The following ASPRV1 variants were observed in gnomAD, a reference collection of about 807,000 sequenced individuals.
The protein encoded by ASPRV1 is aspartic peptidase retroviral like 1.
ASPRV1 carries 7 observed loss-of-function variants against 11.0 expected under a neutral mutation model. The ratio of observed to expected loss-of-function variants is 0.64; its 90% confidence interval spans 0.36 to 1.20. The LOEUF is 1.20. Among genes scored for constraint, ASPRV1 ranks in the 50% most tolerant of loss-of-function variants. The pLI is 0.02. For missense variants in ASPRV1, 299 were observed against 320.0 expected (o/e 0.93, Z 0.50); for synonymous variants, 136 against 138.4 (o/e 0.98, Z 0.12).
the ASPRV1 span, among the ~76,000 whole-genome samples, chr2:70,065,959 G>A: frequency 2.0e-5 from 3 of 151,974 alleles, no homozygotes; most frequent in Non-Finnish European, 4.4e-5. Flanking sequence ...TGTACTCTCA[G>A]AATTTCAGGA....
chr2:70,035,731 G>A, the ASPRV1 span, among the ~76,000 whole-genome samples: 1 of 151,092 alleles, frequency 6.6e-6, no homozygotes, highest in Admixed American at 6.6e-5. Flanking sequence ...ACTGCCAGTT[G>A]GAAAACTGAA....
the ASPRV1 span, among the ~76,000 whole-genome samples, chr2:70,008,246 G>A: frequency 1.3e-5 from 2 of 151,844 alleles, no homozygotes; most frequent in African/African-American, 2.4e-5. Flanking sequence ...ATTTTTTTAA[G>A]TGGCAGAATA....
downstream of ASPRV1, among the ~76,000 whole-genome samples, chr2:69,955,883 T>C (rs867571211): frequency 1.4e-4 from 21 of 152,214 alleles, no homozygotes; most frequent in South Asian, 8.3e-4. Flanking sequence ...GGTTTTCTTC[T>C]TAGCTCTGAC....
Position 69,960,621 on chromosome 2 carries a change from C to G in ASPRV1, c.*36G>C. On this transcript the variant is annotated 3_prime_UTR_variant, in exon 1 of 1. Transcript: ENST00000320256. ...CCCCCCCCACAGCGGTGGGTCTTCC[C>G]ACCAATATTTAGGAGGTTAAAGAAA... 1 of 1,575,576 alleles carries G rather than the reference C, an allele frequency of 6.3e-7. No homozygotes were observed. Among genetic ancestry groups the G allele is most frequent in the Non-Finnish European group, 8.6e-7 (1 of 1,163,338 alleles).
At chr2:69,998,444 G>A in the ASPRV1 span, among the ~76,000 whole-genome samples, 1 of 152,138 alleles carries the variant, frequency 6.6e-6, no homozygotes, top group Non-Finnish European at 1.5e-5. Context: ...CAGCAACTGT[G>A]AAGAATTCTT....
At chr2:70,076,452 T>C in the ASPRV1 span, among the ~76,000 whole-genome samples, 1 of 152,278 alleles carries the variant, frequency 6.6e-6, no homozygotes, top group Admixed American at 6.5e-5. Flanking sequence ...AAGCACTTTC[T>C]ATGTGCCAAG....
At chr2:70,007,530 G>A in the ASPRV1 span, among the ~76,000 whole-genome samples, 1 of 151,178 alleles carries the variant, frequency 6.6e-6, no homozygotes, top group Non-Finnish European at 1.5e-5. Context: ...AAAAAAAAAA[G>A]AACTATATCT....
At chr2:69,969,535 C>T in the ASPRV1 span, among the ~76,000 whole-genome samples, 2 of 152,154 alleles carry the variant, frequency 1.3e-5, no homozygotes, top group Non-Finnish European at 2.9e-5. Context: ...GTTCCTCTCT[C>T]CCTGGATACT....
chr2:70,059,261 T>TA, the ASPRV1 span, among the ~76,000 whole-genome samples: 1 of 150,874 alleles, frequency 6.6e-6, no homozygotes, highest in African/African-American at 2.4e-5. Context: ...GTTTTCTTTT[T>TA]TTTTTTTTTT....
At chr2:69,978,320 TCA>T in the ASPRV1 span, among the ~76,000 whole-genome samples, 1 of 152,118 alleles carries the variant, frequency 6.6e-6, no homozygotes, top group Non-Finnish European at 1.5e-5. Flanking sequence ...CTGAGCGTGG[TCA>T]CACACTCATC....
chr2:70,012,729 CTG>C, the ASPRV1 span, among the ~76,000 whole-genome samples: 1 of 152,158 alleles, frequency 6.6e-6, no homozygotes, highest in East Asian at 1.9e-4. Flanking sequence ...TATTAATACT[CTG>C]TACACAAAGC....
chr2:69,940,226 C>A, the ASPRV1 span: 1 of 151,296 alleles, frequency 6.6e-6, no homozygotes, highest in Non-Finnish European at 1.5e-5. Context: ...AACTTGTATG[C>A]CTTTTGCATT....
chr2:69,989,255 A>C, the ASPRV1 span, among the ~76,000 whole-genome samples: 1 of 152,206 alleles, frequency 6.6e-6, no homozygotes, highest in Non-Finnish European at 1.5e-5. Flanking sequence ...TGGAAACGGC[A>C]CCTGATTTTG....
the ASPRV1 span, among the ~76,000 whole-genome samples, chr2:70,084,818 G>C: frequency 6.6e-6 from 1 of 152,106 alleles, no homozygotes; most frequent in Non-Finnish European, 1.5e-5. Flanking sequence ...ACAATGCCCA[G>C]CACACAGTAA....
At chr2:70,076,654 A>G in the ASPRV1 span, among the ~76,000 whole-genome samples, 1 of 152,240 alleles carries the variant, frequency 6.6e-6, no homozygotes, top group East Asian at 1.9e-4. Flanking sequence ...CTCAGCCTAG[A>G]CTATCTTAAA....
the ASPRV1 span, among the ~76,000 whole-genome samples, chr2:70,044,830 A>G: frequency 1.5e-4 from 23 of 152,202 alleles, no homozygotes; most frequent in Admixed American, 5.9e-4. Flanking sequence ...GCTCCAGTAC[A>G]TGCAGTGAGG....
At chr2:70,053,076 C>T in the ASPRV1 span, among the ~76,000 whole-genome samples, 1 of 152,190 alleles carries the variant, frequency 6.6e-6, no homozygotes, top group Non-Finnish European at 1.5e-5. Context: ...TGCTCAACCC[C>T]CCATATCCAC....
At chr2:69,972,374 T>C in the ASPRV1 span, among the ~76,000 whole-genome samples, 367 of 149,200 alleles carry the variant, frequency 2.5e-3, 2 homozygotes, top group Non-Finnish European at 4.0e-3. Context: ...TTTTTTTTTT[T>C]CAAGATGGAG....
chr2:70,022,815 TAAAC>T, the ASPRV1 span, among the ~76,000 whole-genome samples: 1 of 151,932 alleles, frequency 6.6e-6, no homozygotes, highest in Non-Finnish European at 1.5e-5. Flanking sequence ...TCAAGACACA[TAAAC>T]TAAATGCATA....
Sources: gnomAD v4.1 joint callset for allele counts (sites outside exome capture counted in the v4.1 genomes callset) on GRCh38, gnomAD v4.1.1 for gene constraint, MANE v1.5 for transcripts, NCBI Gene and HGNC (gene_info 2026-07-23, HGNC 2026-07-21) for gene names.